Variants in PCLO observed in about 807,000 individuals in gnomAD.
The protein encoded by PCLO is protein piccolo.
A neutral mutation model predicts 427.5 loss-of-function variants in PCLO; 82 were observed. The observed-to-expected ratio is 0.19, with a 90% confidence interval of 0.16 to 0.23. The LOEUF is 0.23. Ranked by LOEUF, PCLO falls within the 10% of genes least tolerant of loss-of-function variation. The probability of loss-of-function intolerance (pLI) is 1.00; values close to 1 mark genes in which losing one functional copy is unlikely to be tolerated. For synonymous variants in PCLO, 2,357 were observed against 2,155.4 expected (o/e 1.09, Z -2.59); for missense variants, 6,239 against 6,115.9 (o/e 1.02, Z -0.67).
chr7:82,966,395 T>A lies in PCLO; in HGVS notation c.3393A>T (p.Gly1131=), dbSNP rs1452749936. 1 of 1,613,852 alleles carries A rather than the reference T, an allele frequency of 6.2e-7. No individual in the cohort carries two copies. Among genetic ancestry groups the A allele is most frequent in the South Asian group, 1.1e-5 (1 of 91,078 alleles). ...GAACAGGCATAGGAGATGCTTTGGG[T>A]CCTGATGGTGCAGGTGGCATTTTGC... ...DIRKMPPAPS[G]PKASPMPVPT... is the part of the protein sequence containing the mutation. The change falls in exon 4 of 25, where the codon GGA becomes GGT. Residue 1131 remains glycine, a synonymous_variant. Transcript: ENST00000333891.
At chr7:83,130,862 T>C (rs1791553197) in intron 3 of PCLO, among the ~76,000 whole-genome samples, 2 of 152,212 alleles carry the variant, frequency 1.3e-5, no homozygotes, top group Non-Finnish European at 2.9e-5. Flanking sequence ...ATTTAGGCCA[T>C]GCACAATCAT....
At chr7:82,800,970 C>T (rs201401071) in intron 22 of PCLO, among the ~76,000 whole-genome samples, 1 of 151,454 alleles carries the variant, frequency 6.6e-6, no homozygotes, top group Admixed American at 6.6e-5. Context: ...TGTTTGCTGA[C>T]GTCAAGGATT....
rs1221285743 is a variant in PCLO, at chr7:82,756,029, C to G, written c.*2546G>C. 7 of 152,108 alleles carry G rather than the reference C, an allele frequency of 4.6e-5. No individual in the cohort carries two copies. The highest frequency in any genetic ancestry group is 7.3e-5 in the Non-Finnish European group (5 of 68,030). 9.4% of individuals were successfully genotyped at this position (152,108 alleles called of 1,614,324 possible). A position where few individuals can be genotyped will look rare whatever the true frequency, so the allele number is the denominator to read the frequency against. On this transcript the variant is annotated 3_prime_UTR_variant, in exon 25 of 25. Transcript: ENST00000333891. ...CTTCTATAATGGAAAGACTCCTACG[C>G]TTTCAGGTTAAATAGCTACCAAAGA...
At chr7:82,847,916 A>G (rs778212382) in intron 10 of PCLO, among the ~76,000 whole-genome samples, 45 of 152,126 alleles carry the variant, frequency 3.0e-4, no homozygotes, top group Admixed American at 5.2e-4. Context: ...TGTCATCTTG[A>G]CATTCTTAGT....
Position 82,838,337 on chromosome 7 carries a change from T to C in PCLO, c.14103A>G (p.Gln4701=), listed in dbSNP as rs753269786. The C allele has an allele frequency of 5.4e-6, 8 of 1,493,010 alleles. No homozygotes were observed. Among genetic ancestry groups the C allele is most frequent in the Non-Finnish European group, 7.4e-6 (8 of 1,088,080 alleles). The allele number at this position is 1,493,010 out of a possible 1,614,324, so 92.5% of individuals were successfully genotyped here. Residue 4701 remains glutamine, a synonymous_variant, in exon 15 of 25, where the codon CAA becomes CAG. Coordinates refer to ENST00000333891, the MANE Select transcript of PCLO (RefSeq NM_033026.6). ...TGAGATTTCCAAGATCATAGTTAAT[T>C]TGAAGCTTTAGGAGAGAGAAAAATA... ...SHPITGEIQL[Q]INYDLGNLII...
At chr7:83,019,508 G>T (rs1299366286) in intron 3 of PCLO, among the ~76,000 whole-genome samples, 4 of 151,482 alleles carry the variant, frequency 2.6e-5, no homozygotes, top group Admixed American at 1.3e-4. Context: ...ATCCTGGTGG[G>T]TATATTTTCA....
chr7:82,947,012 G>A (rs572322980), intron 6 of PCLO, among the ~76,000 whole-genome samples: 9 of 152,232 alleles, frequency 5.9e-5, no homozygotes, highest in Non-Finnish European at 1.3e-4. Context: ...CAGTGATCTG[G>A]CCCTCACTTG....
At position 82,756,459 on chromosome 7, in the gene PCLO, G is replaced by C. The variant is rs547935256; in HGVS notation, c.*2116C>G. On this transcript the variant is annotated 3_prime_UTR_variant, in exon 25 of 25. Transcript: ENST00000333891. ...AAATGACATTGTATTGTCAGTGGAG[G>C]GGGATTAAAAAATAGAGGGAAGAAA... 1 of 152,032 alleles carries C rather than the reference G, an allele frequency of 6.6e-6. No individual in the cohort carries two copies. The highest frequency in any genetic ancestry group is 6.6e-5 in the Admixed American group (1 of 15,248). The allele number at this position is 152,032 out of a possible 1,614,324, so 9.4% of individuals were successfully genotyped here.
chr7:82,761,539 A>G (rs1037526242), intron 22 of PCLO, 46 bp from the exon 23 acceptor site: 45 of 1,432,730 alleles, frequency 3.1e-5, no homozygotes, highest in Non-Finnish European at 4.3e-5. Context: ...AATGCCATAT[A>G]TGAAATGTTT....
intron 10 of PCLO, among the ~76,000 whole-genome samples, chr7:82,869,986 T>A (rs1312862775): frequency 6.6e-6 from 1 of 151,898 alleles, no homozygotes; most frequent in Non-Finnish European, 1.5e-5. Flanking sequence ...ATTGAAAAAA[T>A]TAATATTGTT....
rs1793445724 is a variant in PCLO, at chr7:82,879,332, C to G, written c.13654+5G>C. 1 of 1,601,466 alleles carries G rather than the reference C, an allele frequency of 6.2e-7. No individual in the cohort carries two copies. The highest frequency in any genetic ancestry group is 1.3e-5 in the African/African-American group (1 of 74,090). On this transcript the variant is annotated splice_donor_5th_base_variant and intron_variant, in intron 10 of 24. Coordinates refer to ENST00000333891, the MANE Select transcript of PCLO (RefSeq NM_033026.6). ...TTATTTTACTGTAAAATTCCTTATT[C>G]TTACCTTCCATAAGCTTCCCCGTCT...
intron 3 of PCLO, among the ~76,000 whole-genome samples, chr7:83,080,840 T>G (rs1330156899): frequency 6.6e-6 from 1 of 152,060 alleles, no homozygotes; most frequent in Non-Finnish European, 1.5e-5. Flanking sequence ...ATCCTATATG[T>G]ACTATCTTTT....
intron 2 of PCLO, among the ~76,000 whole-genome samples, chr7:83,147,250 C>T (rs1404255573): frequency 4.6e-5 from 7 of 151,872 alleles, no homozygotes; most frequent in East Asian, 3.9e-4. Context: ...TGTTTGTAAA[C>T]GTAATTAAAT....
chr7:82,999,241 AAT>A (rs1229768602), intron 3 of PCLO, among the ~76,000 whole-genome samples: 1 of 145,294 alleles, frequency 6.9e-6, no homozygotes, highest in African/African-American at 2.5e-5. Flanking sequence ...TATTATATAA[AAT>A]ATATATGGAT....
chr7:82,879,722 T>C (rs1793456834), intron 9 of PCLO: 1 of 441,388 alleles, frequency 2.3e-6, no homozygotes, highest in Admixed American at 3.6e-5. Flanking sequence ...TTCAGTAATA[T>C]ACCCAGGACT....
At chr7:83,004,482 ATG>A (rs34816798) in intron 3 of PCLO, among the ~76,000 whole-genome samples, 92,888 of 151,120 alleles carry the variant, frequency 0.61, 29,791 homozygotes, top group East Asian at 0.86. Flanking sequence ...ACGCTTACAC[ATG>A]TGTCTTACAC....
At chr7:82,972,967 C>G (rs1302948915) in intron 3 of PCLO, among the ~76,000 whole-genome samples, 1 of 152,024 alleles carries the variant, frequency 6.6e-6, no homozygotes, top group Non-Finnish European at 1.5e-5. Context: ...ATATGGTGTT[C>G]TATTCAACTC....
In PCLO at chr7:82,950,423, C is replaced by G. The variant is rs1349950529; in HGVS notation, c.10165G>C (p.Gly3389Arg). 1 of 1,613,528 alleles carries G rather than the reference C, an allele frequency of 6.2e-7. No homozygotes were observed. The highest frequency in any genetic ancestry group is 8.5e-7 in the Non-Finnish European group (1 of 1,179,832). Residue 3389 changes from glycine (G) to arginine (R), a missense_variant, in exon 6 of 25, where the codon GGT becomes CGT. Physicochemically the swap from Gly to Arg is moderately radical, Grantham distance 125 (BLOSUM62 -2). Transcript: ENST00000333891. ...DGVTQYIAPPGILSTVSEIPL... is the reference protein window; with the variant it reads ...DGVTQYIAPPRILSTVSEIPL... ...ATTTCTGAAACAGTGCTCAGGATACCAGGTGGGGCAATGTACTGAGTAACA... is the reference window on the plus strand; with the variant it reads ...ATTTCTGAAACAGTGCTCAGGATACGAGGTGGGGCAATGTACTGAGTAACA...
At chr7:82,831,219 C>T (rs972346) in intron 16 of PCLO, among the ~76,000 whole-genome samples, 10,571 of 151,962 alleles carry the variant, frequency 0.07, 486 homozygotes, top group East Asian at 0.15. Flanking sequence ...AAAATTAAGG[C>T]GTATTGTCAA....
Sources: allele counts gnomAD v4.1 joint callset (sites outside exome capture counted in the v4.1 genomes callset), GRCh38; gene constraint gnomAD v4.1.1; transcripts MANE v1.5; gene names NCBI Gene and HGNC (gene_info 2026-07-23, HGNC 2026-07-21).